The following GLRX2 variants were observed in gnomAD, a reference collection of about 807,000 sequenced individuals.
The protein encoded by GLRX2 is glutaredoxin 2, also known as bA101E13.1 (GRX2 glutaredoxin (thioltransferase) 2).
Under a neutral mutation model 16.4 loss-of-function variants are expected in GLRX2, and 12 were observed. The ratio of observed to expected loss-of-function variants is 0.73; its 90% CI spans 0.47 to 1.19. The LOEUF is 1.19. Among genes scored for constraint, GLRX2 ranks in the 50% most tolerant of loss-of-function variants. The pLI is 0.00. For missense variants in GLRX2, 201 were observed against 201.8 expected (o/e 1.00, Z 0.02); for synonymous variants, 95 against 76.2 (o/e 1.25, Z -1.28).
chr1:193,105,525 A>G (rs1428816509), upstream of GLRX2: 1 of 1,537,290 alleles, frequency 6.5e-7, no homozygotes, highest in Non-Finnish European at 8.8e-7. Flanking sequence ...ACCTCCTCGC[A>G]GCTGAGCGCG....
At position 193,105,349 on chromosome 1, in the gene GLRX2, G is replaced by A. The variant is rs780097366; in HGVS notation, c.34C>T (p.Arg12Trp). 9.7e-6 allele frequency: 15 copies of A among 1,547,854 alleles called. No homozygotes were observed. The African/African-American group carries it at 2.1e-4, about 22-fold the overall frequency. The change falls in exon 1 of 4, where the codon CGG (arginine) becomes TGG (tryptophan). Residue 12 changes from arginine (R) to tryptophan (W), a missense_variant. Arg to Trp is a moderately radical substitution (Grantham distance 101, BLOSUM62 -3). Transcript: ENST00000367439. Reference sequence around the variant, plus strand: ...GAGCCGCTCCTGCTCCAAACCAGCCGCGTCCCCGCCAGCGCCGCGCGGCGC... The same window carrying A: ...GAGCCGCTCCTGCTCCAAACCAGCCACGTCCCCGCCAGCGCCGCGCGGCGC... ...IWRRAALAGT[R>W]LVWSRSGSAG...
intron 1 of GLRX2, 98 bp from the exon 2 acceptor site, chr1:193,101,302 G>A (rs1675071326): frequency 1.3e-6 from 1 of 788,446 alleles, no homozygotes; most frequent in Non-Finnish European, 2.1e-6. Context: ...AACAAATATA[G>A]CCAAACTTAC....
intron 3 of GLRX2, among the ~76,000 whole-genome samples, chr1:193,097,306 T>A (rs1373267593): frequency 1.3e-5 from 2 of 152,218 alleles, no homozygotes; most frequent in African/African-American, 2.4e-5. Flanking sequence ...AAGAATACTT[T>A]CATCTTGCCA....
chr1:193,096,800 A>G (rs962029456), intron 3 of GLRX2, 41 bp from the exon 4 acceptor site: 9 of 1,506,420 alleles, frequency 6.0e-6, no homozygotes, highest in African/African-American at 1.4e-5. Context: ...TTACTCTAGT[A>G]TCAGAACTAA....
intron 2 of GLRX2, among the ~76,000 whole-genome samples, chr1:193,099,336 T>TTTTG (rs1675026878): frequency 6.6e-6 from 1 of 152,114 alleles, no homozygotes; most frequent in Admixed American, 6.5e-5. Flanking sequence ...TCTAGGTTTT[T>TTTTG]TTTTGTTTTG....
At chr1:193,104,703 T>C (rs953348775) in intron 1 of GLRX2, among the ~76,000 whole-genome samples, 2 of 152,224 alleles carry the variant, frequency 1.3e-5, no homozygotes, top group African/African-American at 4.8e-5. Flanking sequence ...CGAGGAAGTG[T>C]AAGGAAAGCA....
chr1:193,102,935 C>G (rs911439054), intron 1 of GLRX2, among the ~76,000 whole-genome samples: 2 of 152,168 alleles, frequency 1.3e-5, no homozygotes, highest in African/African-American at 4.8e-5. Context: ...AAGCTCCCCA[C>G]GCTTTAGTCA....
chr1:193,102,370 G>C (rs761952920), intron 1 of GLRX2, among the ~76,000 whole-genome samples: 6 of 152,028 alleles, frequency 3.9e-5, no homozygotes, highest in Non-Finnish European at 7.4e-5. Flanking sequence ...TCTTCTTTTT[G>C]AGATGGAGTC....
At position 193,096,553 on chromosome 1, in the gene GLRX2, T is replaced by C; in HGVS notation, c.*72A>G. The C allele has an allele frequency of 2.5e-6, 2 of 790,896 alleles. No homozygotes were observed. Among genetic ancestry groups the C allele is most frequent in the Non-Finnish European group, 4.0e-6 (2 of 504,090 alleles). 49.0% of individuals were successfully genotyped at this position (790,896 alleles called of 1,614,324 possible). A position where few individuals can be genotyped will look rare whatever the true frequency, so the allele number is the denominator to read the frequency against. ...CATGTATTTAAAACATCCTCAAACATTTAAAAGACATTATCGGGCATTACC... is the reference window on the plus strand; with the variant it reads ...CATGTATTTAAAACATCCTCAAACACTTAAAAGACATTATCGGGCATTACC... On this transcript the variant is annotated 3_prime_UTR_variant, in exon 4 of 4. Coordinates refer to ENST00000367439, the MANE Select transcript of GLRX2 (RefSeq NM_197962.3).
chr1:193,105,210 C>T, intron 1 of GLRX2, 54 bp downstream of exon 1: 2 of 1,510,676 alleles, frequency 1.3e-6, no homozygotes, highest in South Asian at 2.5e-5. Flanking sequence ...TTTCTCCAGA[C>T]CCCCGCAAGG....
At chr1:193,103,810 A>G (rs926469274) in intron 1 of GLRX2, among the ~76,000 whole-genome samples, 4 of 152,130 alleles carry the variant, frequency 2.6e-5, no homozygotes, top group African/African-American at 7.2e-5. Flanking sequence ...GAACACTTTA[A>G]AACAAAAAAA....
chr1:193,099,847 C>T (rs558810941), intron 2 of GLRX2, among the ~76,000 whole-genome samples: 1 of 152,146 alleles, frequency 6.6e-6, no homozygotes, highest in Non-Finnish European at 1.5e-5. Context: ...CTAGGGAGGG[C>T]CTGCCATACC....
intron 1 of GLRX2, among the ~76,000 whole-genome samples, chr1:193,102,405 G>A (rs773468411): frequency 2.6e-5 from 4 of 152,142 alleles, no homozygotes; most frequent in Admixed American, 1.3e-4. Flanking sequence ...AGCCTGGAGT[G>A]CAGTGGCGTG....
intron 2 of GLRX2, among the ~76,000 whole-genome samples, chr1:193,098,984 T>TGA (rs1333288950): frequency 6.6e-6 from 1 of 152,228 alleles, no homozygotes; most frequent in Non-Finnish European, 1.5e-5. Context: ...CCCCTCTACT[T>TGA]CTATCCTTTC....
At position 193,105,319 on chromosome 1, in the gene GLRX2, C is replaced by T; in HGVS notation, c.64G>A (p.Gly22Ser). Residue 22 changes from glycine to serine, a missense_variant, in exon 1 of 4, where the codon GGC (glycine) becomes AGC (serine). Physicochemically the swap from Gly to Ser is moderately conservative, Grantham distance 56. Transcript: ENST00000367439. The stretch of plus-strand genomic sequence containing the variant: ...GCTCCCGCCGCCCTGTCAAGCCAGC[C>T]TGCCGAGCCGCTCCTGCTCCAAACC... Reference protein sequence around the residue: ...RLVWSRSGSAGWLDRAAGAAG... With the variant: ...RLVWSRSGSASWLDRAAGAAG... The T allele has an allele frequency of 6.5e-7, 1 of 1,535,634 alleles. No homozygotes were observed. The highest frequency in any genetic ancestry group is 1.2e-5 in the South Asian group (1 of 83,798).
Sources: allele counts gnomAD v4.1 joint callset (sites outside exome capture counted in the v4.1 genomes callset), GRCh38; gene constraint gnomAD v4.1.1; transcripts MANE v1.5; gene names NCBI Gene and HGNC (gene_info 2026-07-23, HGNC 2026-07-21).